PAX7: variants seen among roughly 807,000 people sequenced by gnomAD.
PAX7 encodes the protein paired box 7.
Under a neutral mutation model 50.7 loss-of-function variants are expected in PAX7, and 18 were observed. The ratio of observed to expected loss-of-function variants is 0.36; its 90% CI spans 0.25 to 0.53. The LOEUF is 0.53. PAX7 is among the 20% of genes least tolerant of loss of function. PAX7 has a pLI of 0.93. For synonymous variants in PAX7, 310 were observed against 290.4 expected (o/e 1.07, Z -0.69); for missense variants, 644 against 702.9 (o/e 0.92, Z 0.95).
chr1:18,707,340 G>A (rs1484333201), intron 7 of PAX7, among the ~76,000 whole-genome samples: 1 of 151,682 alleles, frequency 6.6e-6, no homozygotes, highest in Non-Finnish European at 1.5e-5. Flanking sequence ...CCACTTAAAG[G>A]GTAGAGCCAG....
intron 4 of PAX7, among the ~76,000 whole-genome samples, chr1:18,660,953 T>C (rs954972805): frequency 1.3e-5 from 2 of 152,098 alleles, no homozygotes; most frequent in Non-Finnish European, 2.9e-5. Context: ...GTTAGGGTTT[T>C]GTAAGGCTGA....
chr1:18,739,591 C>T (rs898296576), intron 8 of PAX7, among the ~76,000 whole-genome samples: 27 of 152,174 alleles, frequency 1.8e-4, no homozygotes, highest in South Asian at 6.2e-4. Context: ...CAAGGTCACC[C>T]GGCAGCCCAT....
At chr1:18,716,995 A>C (rs1288248274) in intron 7 of PAX7, among the ~76,000 whole-genome samples, 11 of 144,018 alleles carry the variant, frequency 7.6e-5, no homozygotes, top group East Asian at 2.4e-4. Flanking sequence ...CGGAGCGGGG[A>C]TCGGGTCTGG....
chr1:18,662,738 AT>A (rs1336941781), intron 4 of PAX7, among the ~76,000 whole-genome samples: 1 of 151,814 alleles, frequency 6.6e-6, no homozygotes, highest in African/African-American at 2.4e-5. Context: ...GCTCAGTTAA[AT>A]TTTTTTGTAC....
Position 18,631,233 on chromosome 1 carries a change from CG to C in PAX7, c.-369del, listed in dbSNP as rs1557496008. The C allele has an allele frequency of 4.0e-6, 1 of 248,478 alleles. No homozygotes were observed. The highest frequency in any genetic ancestry group is 7.8e-6 in the Non-Finnish European group (1 of 128,718). 15.4% of individuals were successfully genotyped at this position (248,478 alleles called of 1,614,324 possible). On this transcript the variant is annotated 5_prime_UTR_variant, in exon 1 of 9. Transcript: ENST00000420770. ...GGCCTCGATTCCGGCCGCGTTCCCC[CG>C]GCCCCCCTCCGCCGCGGGGCCTGGT...
At chr1:18,715,603 A>T (rs1287697595) in intron 7 of PAX7, among the ~76,000 whole-genome samples, 1 of 152,186 alleles carries the variant, frequency 6.6e-6, no homozygotes, top group Non-Finnish European at 1.5e-5. Flanking sequence ...GATGCATGCT[A>T]GAATCCCAGT....
At chr1:18,680,402 G>A (rs2088882321) in intron 4 of PAX7, among the ~76,000 whole-genome samples, 1 of 152,144 alleles carries the variant, frequency 6.6e-6, no homozygotes, top group African/African-American at 2.4e-5. Context: ...TGGGATTGGT[G>A]GCTGGCAGGC....
chr1:18,649,515 T>C (rs909019383), intron 4 of PAX7, among the ~76,000 whole-genome samples: 2 of 151,808 alleles, frequency 1.3e-5, no homozygotes, highest in South Asian at 4.2e-4. Context: ...ATCTGGACAA[T>C]TGCAGCCCCC....
At chr1:18,675,285 C>T (rs1270091693) in intron 4 of PAX7, among the ~76,000 whole-genome samples, 1 of 152,082 alleles carries the variant, frequency 6.6e-6, no homozygotes, top group Non-Finnish European at 1.5e-5. Context: ...CCAATAGGCA[C>T]GTGCCGATCG....
In PAX7 at chr1:18,717,987, G is replaced by A. The variant is rs79904880; in HGVS notation, c.1155+14691G>A. On this transcript the variant is annotated intron_variant, in intron 7 of 8. Coordinates refer to ENST00000420770, the MANE Select transcript of PAX7 (RefSeq NM_001135254.2). Reference sequence around the variant, plus strand: ...CGCTGGATAGACCACCTAGAGCCCCGACTCTGCTGTCTGACCACCCTCCTT... The same window carrying A: ...CGCTGGATAGACCACCTAGAGCCCCAACTCTGCTGTCTGACCACCCTCCTT... Among the ~76,000 whole-genome samples, 829 of 152,300 alleles carry A rather than the reference G, an allele frequency of 5.4e-3. 19 individuals carry two copies. In the East Asian group the frequency reaches 0.063, roughly 12 times the overall value.
intron 7 of PAX7, among the ~76,000 whole-genome samples, chr1:18,706,816 T>C (rs2089290462): frequency 6.6e-6 from 1 of 152,032 alleles, no homozygotes; most frequent in Non-Finnish European, 1.5e-5. Flanking sequence ...CAAAGGGGCT[T>C]ACACTGGAGG....
chr1:18,676,744 A>C (rs2088828679), intron 4 of PAX7, among the ~76,000 whole-genome samples: 2 of 152,146 alleles, frequency 1.3e-5, no homozygotes, highest in South Asian at 4.2e-4. Context: ...GAAACTCCTC[A>C]CCACCCCCAC....
intron 7 of PAX7, among the ~76,000 whole-genome samples, chr1:18,721,697 G>A (rs1211812052): frequency 6.6e-6 from 1 of 152,232 alleles, no homozygotes; most frequent in East Asian, 1.9e-4. Flanking sequence ...GGTGGTGGAT[G>A]TGGGGATAAA....
chr1:18,718,037 T>C (rs532668606), intron 7 of PAX7, among the ~76,000 whole-genome samples: 18 of 152,186 alleles, frequency 1.2e-4, no homozygotes, highest in African/African-American at 3.9e-4. Context: ...CAACAATGTG[T>C]AGATTCCAGA....
chr1:18,666,924 G>A (rs1182650514), intron 4 of PAX7, among the ~76,000 whole-genome samples: 1 of 152,074 alleles, frequency 6.6e-6, no homozygotes, highest in African/African-American at 2.4e-5. Context: ...ACTGCTTGGT[G>A]GTGGGGGCAT....
chr1:18,668,121 C>G (rs968573383), intron 4 of PAX7, among the ~76,000 whole-genome samples: 6 of 152,110 alleles, frequency 3.9e-5, no homozygotes, highest in Non-Finnish European at 7.4e-5. Flanking sequence ...TGCACCACAG[C>G]CCCATTAAAT....
intron 5 of PAX7, among the ~76,000 whole-genome samples, chr1:18,699,796 C>T (rs141709491): frequency 1.7e-3 from 264 of 152,172 alleles, no homozygotes; most frequent in African/African-American, 6.0e-3. Context: ...CTCCTGACCT[C>T]GTGATCCGCC....
chr1:18,643,499 G>C (rs377407001), intron 4 of PAX7, among the ~76,000 whole-genome samples: 2 of 152,168 alleles, frequency 1.3e-5, no homozygotes, highest in East Asian at 3.9e-4. Context: ...GAGGCGCCGA[G>C]GGAGGCGCCG....
Position 18,746,855 on chromosome 1 carries a change from G to A in PAX7, c.*1926G>A, listed in dbSNP as rs111744760. The A allele has an allele frequency of 4.3e-6, 1 of 231,606 alleles. No homozygotes were observed. The highest frequency in any genetic ancestry group is 8.5e-6 in the Non-Finnish European group (1 of 117,080). The allele number at this position is 231,606 out of a possible 1,614,324, so 14.3% of individuals were successfully genotyped here. On this transcript the variant is annotated 3_prime_UTR_variant, in exon 9 of 9. Transcript: ENST00000420770. ...TCAAGCCTGTTCTGGACCATGACCA[G>A]GCTGGCTCATATCTCTGGTTTAGAG...
Sources: allele counts gnomAD v4.1 joint callset (sites outside exome capture counted in the v4.1 genomes callset), GRCh38; gene constraint gnomAD v4.1.1; transcripts MANE v1.5; gene names NCBI Gene and HGNC (gene_info 2026-07-23, HGNC 2026-07-21).